Variants in WWOX observed in about 807,000 individuals in gnomAD.
The protein encoded by WWOX is WW domain containing oxidoreductase.
In WWOX, 69 loss-of-function variants were observed where a neutral mutation model predicts 46.2. The observed-to-expected ratio is 1.49, with a 90% CI of 1.23 to 1.82. WWOX has a LOEUF of 1.82. Among genes scored for constraint, WWOX ranks in the 40% most tolerant of loss-of-function variants. The pLI, the probability that WWOX is intolerant of heterozygous loss-of-function variation, is 0.00. For synonymous variants in WWOX, 359 were observed against 202.6 expected, an observed-to-expected ratio of 1.77 and a Z score of -6.56; for missense variants, 919 against 542.6, an observed-to-expected ratio of 1.69 and a Z score of -6.89.
chr16:78,728,653 C>G (rs2113285), intron 8 of WWOX, among the ~76,000 whole-genome samples: 25,177 of 152,222 alleles, frequency 0.17, 2,696 homozygotes, highest in Non-Finnish European at 0.23. Flanking sequence ...AGAGACATCC[C>G]TGAGGGTCCC....
At chr16:78,539,310 G>A (rs1004897762) in intron 8 of WWOX, among the ~76,000 whole-genome samples, 1 of 152,208 alleles carries the variant, frequency 6.6e-6, no homozygotes, top group East Asian at 1.9e-4. Context: ...AGTCTTGTGA[G>A]GATTAATTGA....
At chr16:78,297,951 C>T (rs2079968556) in intron 5 of WWOX, among the ~76,000 whole-genome samples, 1 of 152,078 alleles carries the variant, frequency 6.6e-6, no homozygotes, top group Non-Finnish European at 1.5e-5. Context: ...GGAGGGACCT[C>T]GTGGGAGGTG....
intron 8 of WWOX, among the ~76,000 whole-genome samples, chr16:78,449,709 A>G (rs1008021715): frequency 1.3e-5 from 2 of 152,194 alleles, no homozygotes; most frequent in Admixed American, 6.5e-5. Context: ...AGATTTAGTC[A>G]TTTAATAAGA....
chr16:78,671,143 C>T lies in WWOX; in HGVS notation c.1056+238391C>T, dbSNP rs534766361. 1.7e-4 allele frequency among the ~76,000 whole-genome samples: 26 copies of T among 152,262 alleles called. 1 individual carries two copies. The South Asian group carries it at 3.9e-3, about 23-fold the overall frequency. ...TGTGAAAGAATAAATTGCTGTTGGG[C>T]CAGGTACAGTGGCTCATGCCTGTAA... On this transcript the variant is annotated intron_variant, in intron 8 of 8. Transcript: ENST00000566780.
intron 8 of WWOX, among the ~76,000 whole-genome samples, chr16:78,507,826 C>A (rs17706509): frequency 0.14 from 21,635 of 152,112 alleles, 1,656 homozygotes; most frequent in Non-Finnish European, 0.17. Flanking sequence ...CCTCCGAATT[C>A]GCACCTGTTC....
At chr16:78,517,855 A>ATTTTTTTTTTTTT (rs11342538) in intron 8 of WWOX, among the ~76,000 whole-genome samples, 3 of 86,394 alleles carry the variant, frequency 3.5e-5, no homozygotes, top group Non-Finnish European at 6.8e-5. Flanking sequence ...TACACAACCT[A>ATTTTTTTTTTTTT]TTTTTTTTTT....
chr16:79,038,146 C>G (rs1275961660), intron 8 of WWOX, among the ~76,000 whole-genome samples: 1 of 152,146 alleles, frequency 6.6e-6, no homozygotes, highest in Non-Finnish European at 1.5e-5. Flanking sequence ...CCCGTGAACC[C>G]CAGGACAGGG....
intron 8 of WWOX, among the ~76,000 whole-genome samples, chr16:79,107,302 G>A (rs1192577926): frequency 7.0e-6 from 1 of 142,726 alleles, no homozygotes. Context: ...TGCCCAGGTT[G>A]GTCTTCAACT....
intron 8 of WWOX, among the ~76,000 whole-genome samples, chr16:78,925,446 G>C (rs1368388251): frequency 6.6e-6 from 1 of 152,106 alleles, no homozygotes; most frequent in Non-Finnish European, 1.5e-5. Context: ...TACCTTCCTT[G>C]GTGTTAAAAA....
intron 5 of WWOX, among the ~76,000 whole-genome samples, chr16:78,239,005 C>T (rs1208774675): frequency 6.6e-6 from 1 of 152,138 alleles, no homozygotes; most frequent in Non-Finnish European, 1.5e-5. Flanking sequence ...ATTTGCATCA[C>T]CTCTCCACTT....
rs148478734 is a variant in WWOX, at chr16:78,328,271, G to A, written c.517-58589G>A. The stretch of plus-strand genomic sequence containing the variant: ...CAGCAAAACTTGATTTGGAATTGTC[G>A]TGGTCTTGTTTATAATCGTCATTTT... On this transcript the variant is annotated intron_variant, in intron 5 of 8. Coordinates refer to ENST00000566780, the MANE Select transcript of WWOX (RefSeq NM_016373.4). Among the ~76,000 whole-genome samples the A allele has an allele frequency of 5.9e-5, 9 of 152,216 alleles. No individual in the cohort carries two copies. In the East Asian group the frequency reaches 7.7e-4, roughly 13 times the overall value.
intron 8 of WWOX, among the ~76,000 whole-genome samples, chr16:78,666,995 C>A (rs1442084578): frequency 6.6e-6 from 1 of 152,136 alleles, no homozygotes; most frequent in Non-Finnish European, 1.5e-5. Context: ...AGTTGTCTTC[C>A]TTTTATCTCT....
intron 5 of WWOX, among the ~76,000 whole-genome samples, chr16:78,327,841 A>AG (rs1417896738): frequency 1.4e-5 from 2 of 146,404 alleles, no homozygotes; most frequent in Non-Finnish European, 3.0e-5. Context: ...GCAAGACATT[A>AG]GGAATGAGCT....
chr16:78,643,430 C>CTGT (rs2046767484), intron 8 of WWOX, among the ~76,000 whole-genome samples: 1 of 152,124 alleles, frequency 6.6e-6, no homozygotes, highest in South Asian at 2.1e-4. Context: ...ACCCCTGTCT[C>CTGT]TGTGTCTCCC....
At chr16:78,365,996 G>A (rs1193412224) in intron 5 of WWOX, among the ~76,000 whole-genome samples, 1 of 152,160 alleles carries the variant, frequency 6.6e-6, no homozygotes, top group East Asian at 1.9e-4. Context: ...GTGATTTGAA[G>A]CTTCTTTTCC....
At chr16:78,607,472 T>C (rs1470353927) in intron 8 of WWOX, among the ~76,000 whole-genome samples, 1 of 152,114 alleles carries the variant, frequency 6.6e-6, no homozygotes, top group East Asian at 1.9e-4. Context: ...CTTTCAAAAA[T>C]TGTTATAAAG....
At chr16:78,163,822 C>G (rs62045115) in intron 4 of WWOX, among the ~76,000 whole-genome samples, 1 of 152,156 alleles carries the variant, frequency 6.6e-6, no homozygotes, top group Admixed American at 6.5e-5. Flanking sequence ...CTGGACATGC[C>G]GTGAACTCTT....
At chr16:78,847,582 C>T (rs1351280343) in intron 8 of WWOX, among the ~76,000 whole-genome samples, 1 of 151,972 alleles carries the variant, frequency 6.6e-6, no homozygotes, top group African/African-American at 2.4e-5. Context: ...GATTCTCCCG[C>T]CTCAGCTTCC....
rs922411109 is a variant in WWOX at position 78,469,228 on chromosome 16, C to G, written c.1056+36476C>G. On this transcript the variant is annotated intron_variant, in intron 8 of 8. Coordinates refer to ENST00000566780, the MANE Select transcript of WWOX (RefSeq NM_016373.4). ...TCTCCTGAGAAGCATAATTGAGCCTCCAAACCACCCATCAAGATATCCACC... is the reference window on the plus strand; with the variant it reads ...TCTCCTGAGAAGCATAATTGAGCCTGCAAACCACCCATCAAGATATCCACC... 3.3e-5 allele frequency among the ~76,000 whole-genome samples: 5 copies of G among 152,174 alleles called. No homozygotes were observed. The South Asian group carries it at 1.0e-3, about 32-fold the overall frequency.
Sources: allele counts gnomAD v4.1 joint callset (sites outside exome capture counted in the v4.1 genomes callset), GRCh38; gene constraint gnomAD v4.1.1; transcripts MANE v1.5; gene names NCBI Gene and HGNC (gene_info 2026-07-23, HGNC 2026-07-21).